The following PCSK2 variants were observed in gnomAD, a reference collection of about 807,000 sequenced individuals.
PCSK2 encodes the protein proprotein convertase subtilisin/kexin type 2.
A neutral mutation model predicts 69.7 loss-of-function variants in PCSK2; 14 were observed. The observed-to-expected ratio is 0.20, with a 90% CI of 0.13 to 0.31. PCSK2 has a LOEUF of 0.31. Ranked by LOEUF, PCSK2 falls within the 10% of genes least tolerant of loss-of-function variation. The pLI is 1.00. For missense variants in PCSK2, 544 were observed against 842.5 expected (o/e 0.65, Z 4.39); for synonymous variants, 307 against 320.7 (o/e 0.96, Z 0.46).
intron 6 of PCSK2, among the ~76,000 whole-genome samples, chr20:17,420,618 A>G (rs998955367): frequency 3.3e-5 from 5 of 152,216 alleles, no homozygotes; most frequent in African/African-American, 2.4e-5. Context: ...TAAAAGAAAG[A>G]CCTATATTTG....
intron 2 of PCSK2, among the ~76,000 whole-genome samples, chr20:17,343,111 C>T (rs2123176080): frequency 6.6e-6 from 1 of 152,316 alleles, no homozygotes; most frequent in East Asian, 1.9e-4. Flanking sequence ...CAGTCCTTCT[C>T]CAGAGACTGA....
chr20:17,270,783 C>T (rs1987834328), intron 2 of PCSK2, among the ~76,000 whole-genome samples: 1 of 151,994 alleles, frequency 6.6e-6, no homozygotes. Flanking sequence ...GGAAAGAGAC[C>T]CAAATAATTG....
chr20:17,421,806 G>GAAA (rs1568642567), intron 6 of PCSK2, among the ~76,000 whole-genome samples: 3 of 23,532 alleles, frequency 1.3e-4, no homozygotes, highest in Admixed American at 8.6e-4. Context: ...AGGAAGAGAG[G>GAAA]TAAAAAAAAA....
chr20:17,240,177 C>CT (rs1986512503), intron 1 of PCSK2, among the ~76,000 whole-genome samples: 1 of 151,900 alleles, frequency 6.6e-6, no homozygotes, highest in Admixed American at 6.6e-5. Context: ...TAAGTCTCTG[C>CT]TTGTGTTGCA....
chr20:17,428,915 C>T (rs762752033), intron 6 of PCSK2, among the ~76,000 whole-genome samples: 14 of 140,120 alleles, frequency 1.0e-4, no homozygotes, highest in Middle Eastern at 7.9e-3. Flanking sequence ...AAGAGAATCA[C>T]CTGAGCCCAG....
At chr20:17,350,659 C>T (rs898933990) in intron 2 of PCSK2, among the ~76,000 whole-genome samples, 4 of 152,304 alleles carry the variant, frequency 2.6e-5, no homozygotes, top group Admixed American at 6.5e-5. Flanking sequence ...AATCCATCAA[C>T]CTGATGACTC....
chr20:17,292,464 G>A (rs1017194174), intron 2 of PCSK2, among the ~76,000 whole-genome samples: 1 of 152,148 alleles, frequency 6.6e-6, no homozygotes, highest in East Asian at 1.9e-4. Flanking sequence ...TTTGTGTATG[G>A]TGTGATACAG....
At chr20:17,348,947 G>T (rs1234654060) in intron 2 of PCSK2, among the ~76,000 whole-genome samples, 1 of 152,172 alleles carries the variant, frequency 6.6e-6, no homozygotes, top group Non-Finnish European at 1.5e-5. Flanking sequence ...ATGACCCGTG[G>T]CTCTGCCCTT....
chr20:17,391,906 G>GGAAGGAAGGAAGGAAGGA lies in PCSK2; in HGVS notation c.544-17357_544-17356insGAAGGAAGGAAGGAAGGA, dbSNP rs1282817841. ...AAAGAAAGAGAGAGAGAAAGAGAGA[G>GGAAGGAAGGAAGGAAGGA]AGGAAGGAAGGAAGGAAGGAAGGAA... On this transcript the variant is annotated intron_variant, in intron 5 of 11. Transcript: ENST00000262545. Among the ~76,000 whole-genome samples the GGAAGGAAGGAAGGAAGGA allele has an allele frequency of 1.5e-4, 15 of 100,010 alleles. No homozygotes were observed. The East Asian group carries it at 2.2e-3, about 15-fold the overall frequency. The allele number at this position is 100,010 out of a possible 152,430, so 65.6% of individuals were successfully genotyped here.
intron 2 of PCSK2, among the ~76,000 whole-genome samples, chr20:17,352,139 A>G (rs2030010976): frequency 6.6e-6 from 1 of 152,240 alleles, no homozygotes; most frequent in African/African-American, 2.4e-5. Flanking sequence ...AATACATTTA[A>G]CGAAAGAGGT....
At chr20:17,323,040 T>C (rs1989923562) in intron 2 of PCSK2, among the ~76,000 whole-genome samples, 1 of 152,094 alleles carries the variant, frequency 6.6e-6, no homozygotes, top group African/African-American at 2.4e-5. Context: ...AATTTTTGTA[T>C]TATTAGTAGA....
intron 11 of PCSK2, among the ~76,000 whole-genome samples, chr20:17,481,377 G>A (rs2033395968): frequency 9.8e-6 from 1 of 102,082 alleles, no homozygotes; most frequent in Non-Finnish European, 1.8e-5. Flanking sequence ...GTGGGACCCT[G>A]TCTCAAAAGA....
intron 10 of PCSK2, among the ~76,000 whole-genome samples, chr20:17,460,754 A>C (rs890476297): frequency 6.6e-6 from 1 of 152,244 alleles, no homozygotes; most frequent in African/African-American, 2.4e-5. Flanking sequence ...ATACTTTTAA[A>C]TATTGAGGTC....
At chr20:17,471,892 A>C (rs1274907128) in intron 11 of PCSK2, among the ~76,000 whole-genome samples, 1 of 152,238 alleles carries the variant, frequency 6.6e-6, no homozygotes, top group Non-Finnish European at 1.5e-5. Context: ...ACTCTCCATA[A>C]TGTGCAGGGC....
At chr20:17,291,341 CTTA>C (rs1353713382) in intron 2 of PCSK2, among the ~76,000 whole-genome samples, 2 of 152,128 alleles carry the variant, frequency 1.3e-5, no homozygotes, top group Non-Finnish European at 2.9e-5. Context: ...TTAGACCTTT[CTTA>C]TTAGTACATG....
intron 6 of PCSK2, among the ~76,000 whole-genome samples, chr20:17,418,319 T>C (rs2032046846): frequency 6.6e-6 from 1 of 152,174 alleles, no homozygotes; most frequent in South Asian, 2.1e-4. Flanking sequence ...CAGTGGGTCA[T>C]TGGTCTAGGA....
intron 1 of PCSK2, among the ~76,000 whole-genome samples, chr20:17,230,349 C>T (rs1208670477): frequency 9.9e-5 from 15 of 152,190 alleles, no homozygotes; most frequent in African/African-American, 3.4e-4. Flanking sequence ...TCATTCTAAG[C>T]TCACAAATCT....
chr20:17,473,247 C>T (rs1440871462), intron 11 of PCSK2, among the ~76,000 whole-genome samples: 1 of 152,106 alleles, frequency 6.6e-6, no homozygotes, highest in Admixed American at 6.5e-5. Flanking sequence ...GTACACACCA[C>T]CATGCCTGAC....
At chr20:17,251,123 C>T (rs146898683) in intron 1 of PCSK2, among the ~76,000 whole-genome samples, 131 of 152,046 alleles carry the variant, frequency 8.6e-4, no homozygotes, top group African/African-American at 3.1e-3. Context: ...AAAAAATTAT[C>T]AGATCCATAA....
Sources: allele counts gnomAD v4.1 joint callset (sites outside exome capture counted in the v4.1 genomes callset), GRCh38; gene constraint gnomAD v4.1.1; transcripts MANE v1.5; gene names NCBI Gene and HGNC (gene_info 2026-07-23, HGNC 2026-07-21).